The following FOXP2 variants were observed in gnomAD, a reference collection of about 807,000 sequenced individuals.
FOXP2 encodes the protein forkhead box protein P2.
Under a neutral mutation model 115.8 loss-of-function variants are expected in FOXP2, and 12 were observed. That is an observed-to-expected ratio of 0.10 (90% confidence interval 0.07 to 0.17). The LOEUF (loss-of-function observed/expected upper bound fraction) is 0.17, where lower values mean the gene tolerates loss of function less well. Ranked by LOEUF, FOXP2 falls within the 10% of genes least tolerant of loss-of-function variation. FOXP2 has a pLI of 1.00. For missense variants in FOXP2, 629 were observed against 843.5 expected (o/e 0.75, Z 3.15); for synonymous variants, 328 against 297.7 (o/e 1.10, Z -1.05).
chr7:114,246,265 CA>C (rs1436497117), intron 1 of FOXP2, among the ~76,000 whole-genome samples: 2 of 151,956 alleles, frequency 1.3e-5, no homozygotes, highest in Non-Finnish European at 2.9e-5. Context: ...GTTTATTTAA[CA>C]AATACTTATC....
chr7:114,315,197 A>G (rs995782377), intron 2 of FOXP2, among the ~76,000 whole-genome samples: 1 of 152,166 alleles, frequency 6.6e-6, no homozygotes, highest in Non-Finnish European at 1.5e-5. Context: ...TTTCCTGGGA[A>G]TTTAATAGGC....
In FOXP2 at chr7:114,116,283, C is replaced by T. The variant is rs374783232; in HGVS notation, c.-247+28445C>T. On this transcript the variant is annotated intron_variant, in intron 1 of 19. Coordinates refer to the FOXP2 transcript ENST00000635638. ...GGATTGGGCTAGGGAATCTGGGAAC[C>T]AGAGTGGCAGAAGAAGGGGCAGTTG... Among the ~76,000 whole-genome samples the T allele has an allele frequency of 2.0e-5, 3 of 152,240 alleles. No homozygotes were observed. In the East Asian group the frequency reaches 5.8e-4, roughly 29 times the overall value.
chr7:114,536,778 G>A (rs1799418591), intron 3 of FOXP2, among the ~76,000 whole-genome samples: 1 of 151,410 alleles, frequency 6.6e-6, no homozygotes, highest in South Asian at 2.1e-4. Context: ...TAATTTTAAT[G>A]AGATCTCATG....
At chr7:114,344,301 A>G (rs1791287705) in intron 2 of FOXP2, among the ~76,000 whole-genome samples, 1 of 151,728 alleles carries the variant, frequency 6.6e-6, no homozygotes, top group East Asian at 1.9e-4. Context: ...CCCTATACCC[A>G]CTTTAAAAAC....
At chr7:114,423,293 A>G (rs1174913198) in intron 1 of FOXP2, among the ~76,000 whole-genome samples, 2 of 151,702 alleles carry the variant, frequency 1.3e-5, no homozygotes, top group Non-Finnish European at 3.0e-5. Flanking sequence ...AATCTTGTGC[A>G]GTCAGTTCCA....
chr7:114,328,599 T>C (rs1233150215), intron 2 of FOXP2, among the ~76,000 whole-genome samples: 2 of 152,196 alleles, frequency 1.3e-5, no homozygotes, highest in Non-Finnish European at 2.9e-5. Context: ...ATAATCCTTA[T>C]AATGGATATT....
chr7:114,253,189 G>A (rs912527930), intron 1 of FOXP2, among the ~76,000 whole-genome samples: 21 of 152,246 alleles, frequency 1.4e-4, no homozygotes, highest in African/African-American at 5.1e-4. Context: ...TTTTATATTT[G>A]CTGAGGAGTG....
chr7:114,658,090 A>G lies in FOXP2; in HGVS notation c.1291A>G (p.Met431Val), dbSNP rs762414429. The change falls in exon 11 of 17, where the codon ATG becomes GTG. Residue 431 changes from methionine to valine, a missense_variant. Around this residue, in one of 9 missense-constraint regions of FOXP2, gnomAD observed 101 missense variants for 116.0 expected, o/e 0.87. Coordinates refer to ENST00000350908, the MANE Select transcript of FOXP2 (RefSeq NM_014491.4). ...KPLNLVSSVT[M>V]SKNMLETSPQ... ...GCTAAATCTGGTGTCTAGTGTCACC[A>G]TGTCGAAGAATATGTTGGAGACATC... 1.9e-6 allele frequency: 3 copies of G among 1,613,638 alleles called. No individual in the cohort carries two copies. Among genetic ancestry groups the G allele is most frequent in the African/African-American group, 2.7e-5 (2 of 74,832 alleles).
chr7:114,533,173 A>T (rs528901368), intron 2 of FOXP2, among the ~76,000 whole-genome samples: 1 of 152,108 alleles, frequency 6.6e-6, no homozygotes, highest in Non-Finnish European at 1.5e-5. Context: ...TGTGCTTTAC[A>T]AACTATGCCA....
chr7:114,172,987 C>T (rs1340798653), intron 1 of FOXP2, among the ~76,000 whole-genome samples: 2 of 151,918 alleles, frequency 1.3e-5, no homozygotes, highest in Admixed American at 6.6e-5. Flanking sequence ...CTTTTAATCA[C>T]AGTTTATTTA....
At chr7:114,629,656 T>C in intron 4 of FOXP2, 149 bp from the exon 5 acceptor site, 1 of 1,598,150 alleles carries the variant, frequency 6.3e-7, no homozygotes, top group Non-Finnish European at 8.5e-7. Flanking sequence ...TGTAGAGCTG[T>C]CTCTTTGAAT....
At chr7:114,657,396 A>C (rs1266957614) in intron 10 of FOXP2, among the ~76,000 whole-genome samples, 1 of 152,200 alleles carries the variant, frequency 6.6e-6, no homozygotes, top group African/African-American at 2.4e-5. Context: ...ATTTCATTAT[A>C]TTTGTTAACA....
At chr7:114,494,042 A>G (rs1011403664) in intron 2 of FOXP2, among the ~76,000 whole-genome samples, 2 of 152,114 alleles carry the variant, frequency 1.3e-5, no homozygotes, top group Non-Finnish European at 2.9e-5. Context: ...ATATTTCTGA[A>G]TACCAGAGGA....
At chr7:114,297,948 A>G (rs1173028001) in intron 2 of FOXP2, among the ~76,000 whole-genome samples, 2 of 152,150 alleles carry the variant, frequency 1.3e-5, no homozygotes, top group African/African-American at 4.8e-5. Flanking sequence ...TATCTTCATT[A>G]TTATATTCTA....
chr7:114,247,094 A>G (rs1437925774), intron 1 of FOXP2, among the ~76,000 whole-genome samples: 1 of 152,168 alleles, frequency 6.6e-6, no homozygotes, highest in Non-Finnish European at 1.5e-5. Context: ...GTGTTTTACA[A>G]AATAATCTCA....
At chr7:114,197,016 A>C (rs1528091) in intron 1 of FOXP2, among the ~76,000 whole-genome samples, 33,422 of 151,798 alleles carry the variant, frequency 0.22, 4,046 homozygotes, top group African/African-American at 0.27. Context: ...ACATAGTTAG[A>C]CCCCATCTCA....
At chr7:114,438,199 G>C (rs146564605) in intron 2 of FOXP2, among the ~76,000 whole-genome samples, 4 of 152,024 alleles carry the variant, frequency 2.6e-5, no homozygotes, top group Admixed American at 1.3e-4. Context: ...AGGCATTGTA[G>C]CTTCATTTGG....
chr7:114,505,033 T>G (rs1797742992), intron 2 of FOXP2, among the ~76,000 whole-genome samples: 1 of 151,656 alleles, frequency 6.6e-6, no homozygotes, highest in Non-Finnish European at 1.5e-5. Flanking sequence ...ATTCAAATCA[T>G]GCATTTAGAT....
chr7:114,493,345 G>C (rs1161540994), intron 2 of FOXP2, among the ~76,000 whole-genome samples: 5 of 151,966 alleles, frequency 3.3e-5, no homozygotes, highest in African/African-American at 1.2e-4. Context: ...CACACTGATG[G>C]GTCTTGACTC....
Sources: gnomAD v4.1 joint callset for allele counts (sites outside exome capture counted in the v4.1 genomes callset) on GRCh38, gnomAD v4.1.1 for gene constraint, gnomAD v4.1.1 regional missense constraint, MANE v1.5 for transcripts, NCBI Gene and HGNC (gene_info 2026-07-23, HGNC 2026-07-21) for gene names.